The following MYPOP variants were observed in gnomAD, a reference collection of about 807,000 sequenced individuals.
MYPOP encodes the protein Myb related transcription factor, partner of profilin.
In MYPOP, 21 loss-of-function variants were observed where a neutral mutation model predicts 25.7. That is an observed-to-expected ratio of 0.82 (90% CI 0.58 to 1.18). The LOEUF is 1.18. MYPOP is among the 50% of genes most tolerant of loss of function. MYPOP has a pLI of 0.00. For missense variants in MYPOP, 566 were observed against 588.3 expected, an observed-to-expected ratio of 0.96 and a Z score of 0.39; for synonymous variants, 280 against 247.9, an observed-to-expected ratio of 1.13 and a Z score of -1.22.
At chr19:45,896,847 G>A (rs536321567) in intron 2 of MYPOP, among the ~76,000 whole-genome samples, 2 of 151,718 alleles carry the variant, frequency 1.3e-5, no homozygotes, top group African/African-American at 4.8e-5. Flanking sequence ...GGATGGTCTC[G>A]ATCTCCTGAC....
intron 2 of MYPOP, among the ~76,000 whole-genome samples, chr19:45,895,885 G>A (rs1164052334): frequency 6.6e-6 from 1 of 151,956 alleles, no homozygotes; most frequent in East Asian, 1.9e-4. Flanking sequence ...TCCTTCCTCG[G>A]GGAAGCTGGC....
At chr19:45,899,128 A>T (rs901660136) in intron 2 of MYPOP, among the ~76,000 whole-genome samples, 27 of 152,316 alleles carry the variant, frequency 1.8e-4, no homozygotes, top group African/African-American at 5.8e-4. Flanking sequence ...CGGGAGGATG[A>T]GGCAGGAGAA....
chr19:45,901,415 A>C lies in MYPOP; in HGVS notation c.359T>G (p.Leu120Arg). The change falls in exon 2 of 3, where the codon CTG becomes CGG. Residue 120 changes from leucine to arginine, a missense_variant. Physicochemically the swap from Leu to Arg is moderately radical, Grantham distance 102 (BLOSUM62 -2). Coordinates refer to ENST00000322217, the MANE Select transcript of MYPOP (RefSeq NM_001012643.4). The surrounding 1 kb of genome is among the most constrained non-coding windows in gnomAD (Gnocchi z 5.7). ...CCCCGGCGCCGCCACACCTGGCCCCAGGATGGCAAAAATGGTCTCCTCTTC... is the reference window on the plus strand; with the variant it reads ...CCCCGGCGCCGCCACACCTGGCCCCCGGATGGCAAAAATGGTCTCCTCTTC... ...SAEEETIFAI[L>R]GPGVAAPGAG... 2 of 1,563,530 alleles carry C rather than the reference A, an allele frequency of 1.3e-6. No individual in the cohort carries two copies. Among genetic ancestry groups the C allele is most frequent in the Non-Finnish European group, 1.7e-6 (2 of 1,154,890 alleles).
chr19:45,901,284 G>C lies in MYPOP; in HGVS notation c.490C>G (p.Arg164Gly), dbSNP rs1434946501. 3.5e-6 allele frequency: 5 copies of C among 1,447,884 alleles called. No homozygotes were observed. The highest frequency in any genetic ancestry group is 2.6e-5 in the East Asian group (1 of 38,172). 89.7% of individuals were successfully genotyped at this position (1,447,884 alleles called of 1,614,324 possible). Residue 164 changes from arginine to glycine, a missense_variant, in exon 2 of 3, where the codon CGA becomes GGA. Arg to Gly is a moderately radical substitution (Grantham distance 125, BLOSUM62 -2). Transcript: ENST00000322217. The surrounding 1 kb of genome is among the most constrained non-coding windows in gnomAD (Gnocchi z 5.7). ...YVLSEDRRED[R>G]RADTSAHSKA... The stretch of plus-strand genomic sequence containing the variant: ...CTCTGAAGACACTCACCTGCACGTC[G>C]GTCCTCCCGGCGGTCTTCCGACAAC...
At chr19:45,892,273 C>A (rs1162945971) in intron 2 of MYPOP, among the ~76,000 whole-genome samples, 1 of 152,168 alleles carries the variant, frequency 6.6e-6, no homozygotes, top group East Asian at 1.9e-4. Flanking sequence ...CACCACACTG[C>A]TGGATCCTGA....
At chr19:45,892,312 C>G (rs1260264287) in intron 2 of MYPOP, among the ~76,000 whole-genome samples, 1 of 152,156 alleles carries the variant, frequency 6.6e-6, no homozygotes, top group African/African-American at 2.4e-5. Flanking sequence ...TGGGAGAGAG[C>G]TGGGGTGTCT....
At chr19:45,894,557 A>G (rs1967175067) in intron 2 of MYPOP, among the ~76,000 whole-genome samples, 1 of 149,336 alleles carries the variant, frequency 6.7e-6, no homozygotes, top group East Asian at 2.0e-4. Flanking sequence ...GGGACCACAG[A>G]GGTGCGACCC....
chr19:45,892,238 G>A (rs1400522356), intron 2 of MYPOP, among the ~76,000 whole-genome samples: 1 of 152,030 alleles, frequency 6.6e-6, no homozygotes, highest in Non-Finnish European at 1.5e-5. Context: ...AACATTTGAC[G>A]AGGTTCTGAA....
intron 2 of MYPOP, among the ~76,000 whole-genome samples, chr19:45,896,536 G>A (rs1036744479): frequency 6.6e-6 from 1 of 152,182 alleles, no homozygotes; most frequent in Non-Finnish European, 1.5e-5. Flanking sequence ...TTATAGATGA[G>A]GTGATTTGAG....
chr19:45,900,220 C>A (rs1967267049), intron 2 of MYPOP, among the ~76,000 whole-genome samples: 1 of 152,202 alleles, frequency 6.6e-6, no homozygotes, highest in African/African-American at 2.4e-5. Context: ...TATGGTCTGG[C>A]CTTTGCTGAC....
chr19:45,890,341 C>A lies in MYPOP; in HGVS notation c.*282G>T. The A allele has an allele frequency of 2.8e-6, 1 of 358,490 alleles. No homozygotes were observed. 22.2% of individuals were successfully genotyped at this position (358,490 alleles called of 1,614,324 possible). ...GTGCAGACCCGAGAGGTTCCCTCCC[C>A]ACCCCACATAGGGCAATAATAAATA... is the stretch of plus-strand genomic sequence containing the variant. On this transcript the variant is annotated 3_prime_UTR_variant, in exon 3 of 3. Transcript: ENST00000322217.
chr19:45,894,052 G>A (rs917796531), intron 2 of MYPOP, among the ~76,000 whole-genome samples: 1 of 151,644 alleles, frequency 6.6e-6, no homozygotes, highest in African/African-American at 2.4e-5. Flanking sequence ...GCCTCCCAAA[G>A]TGCTGGGATT....
At chr19:45,902,402 T>TC (rs1967315197) in intron 1 of MYPOP, among the ~76,000 whole-genome samples, 168 bp downstream of exon 1, 1 of 151,404 alleles carries the variant, frequency 6.6e-6, no homozygotes, top group South Asian at 2.1e-4. Flanking sequence ...ATATTAGGGA[T>TC]CAGGGTCTGC....
Position 45,901,858 on chromosome 19 carries a change from G to T in MYPOP, c.-52-33C>A. 2 of 1,125,486 alleles carry T rather than the reference G, an allele frequency of 1.8e-6. No homozygotes were observed. The highest frequency in any genetic ancestry group is 2.3e-6 in the Non-Finnish European group (2 of 886,788). 69.7% of individuals were successfully genotyped at this position (1,125,486 alleles called of 1,614,324 possible). A position where few individuals can be genotyped will look rare whatever the true frequency, so the allele number is the denominator to read the frequency against. On this transcript the variant is annotated intron_variant, in intron 1 of 2. Coordinates refer to ENST00000322217, the MANE Select transcript of MYPOP (RefSeq NM_001012643.4). This position sits in a 1 kb window ranked among gnomAD's most constrained non-coding sequence, Gnocchi z 5.7. ...CAAAGGGCGCACGGGGCTGGCTGGG[G>T]TTCGGGGTCCCCCCGCCGCCGCCTC...
At chr19:45,902,132 A>G (rs12975553) in intron 1 of MYPOP, among the ~76,000 whole-genome samples, 8 of 139,956 alleles carry the variant, frequency 5.7e-5, no homozygotes, top group African/African-American at 1.6e-4. Flanking sequence ...TGCAGGAGTT[A>G]GAGAATGGGG....
intron 1 of MYPOP, among the ~76,000 whole-genome samples, chr19:45,902,361 CCTGTATCA>C (rs1485628410): frequency 6.6e-6 from 1 of 151,818 alleles, no homozygotes; most frequent in Non-Finnish European, 1.5e-5. Flanking sequence ...GGTGGGAGCT[CCTGTATCA>C]CTGGAAGAGC....
In MYPOP at chr19:45,891,268, G is replaced by T; in HGVS notation, c.555C>A (p.Pro185=). ...AGCCCCCTTCCTGGGGAGTGCAGGA[G>T]GGCCGGGCCCATGGCTCCGGGCTGC... The part of the protein sequence containing the change: ...GSSSPEPWAR[P]SCTPQEGGCP... The change falls in exon 3 of 3, where the codon CCC becomes CCA. Residue 185 remains proline (P), a synonymous_variant. Transcript: ENST00000322217. The T allele has an allele frequency of 6.4e-7, 1 of 1,552,158 alleles. No homozygotes were observed. The highest frequency in any genetic ancestry group is 8.7e-7 in the Non-Finnish European group (1 of 1,155,204).
At chr19:45,902,309 T>TA (rs1313576573) in intron 1 of MYPOP, among the ~76,000 whole-genome samples, 1 of 150,900 alleles carries the variant, frequency 6.6e-6, no homozygotes, top group Non-Finnish European at 1.5e-5. Flanking sequence ...GTAAGACCGA[T>TA]ATGAGAAGGG....
Position 45,901,769 on chromosome 19 carries a change from G to T in MYPOP, c.5C>A (p.Ala2Asp). 1 of 1,450,112 alleles carries T rather than the reference G, an allele frequency of 6.9e-7. No homozygotes were observed. The allele number at this position is 1,450,112 out of a possible 1,614,324, so 89.8% of individuals were successfully genotyped here. MASAAAGEAEET... is the reference protein window; with the variant it reads MDSAAAGEAEET... Reference sequence around the variant, plus strand: ...CTCCGCTTCGCCCGCCGCCGCCGAGGCCATGGCGCCCCCCGACGCCGCCGT... The same window carrying T: ...CTCCGCTTCGCCCGCCGCCGCCGAGTCCATGGCGCCCCCCGACGCCGCCGT... The change falls in exon 2 of 3, where the codon GCC (alanine) becomes GAC (aspartate). Residue 2 changes from alanine to aspartate, a missense_variant. Coordinates refer to ENST00000322217, the MANE Select transcript of MYPOP (RefSeq NM_001012643.4). This position sits in a 1 kb window ranked among gnomAD's most constrained non-coding sequence, Gnocchi z 5.7.
Sources: gnomAD v4.1 joint callset for allele counts (sites outside exome capture counted in the v4.1 genomes callset) on GRCh38, gnomAD v4.1.1 for gene constraint, Gnocchi (gnomAD v3.1) non-coding constraint, MANE v1.5 for transcripts, NCBI Gene and HGNC (gene_info 2026-07-23, HGNC 2026-07-21) for gene names.